Variants in ZNF609 observed in about 807,000 individuals in gnomAD.
ZNF609 encodes zinc finger protein 609.
In ZNF609, 11 loss-of-function variants were observed where a neutral mutation model predicts 109.5. That is an observed-to-expected ratio of 0.10 (90% CI 0.06 to 0.17). The LOEUF (loss-of-function observed/expected upper bound fraction) is 0.17, where lower values mean the gene tolerates loss of function less well. Among genes scored for constraint, ZNF609 ranks in the 10% least tolerant of loss-of-function variants. The pLI is 1.00. For synonymous variants in ZNF609, 646 were observed against 662.0 expected, an observed-to-expected ratio of 0.98 and a Z score of 0.37; for missense variants, 1,559 against 1,772.4, an observed-to-expected ratio of 0.88 and a Z score of 2.16.
intron 7 of ZNF609, 49 bp downstream of exon 7, chr15:64,680,409 C>T: frequency 6.3e-7 from 1 of 1,598,904 alleles, no homozygotes; most frequent in African/African-American, 1.3e-5. Flanking sequence ...CTAGTAAGGC[C>T]AGATCCAGGG....
intron 1 of ZNF609, among the ~76,000 whole-genome samples, chr15:64,483,741 T>C (rs2056933544): frequency 6.6e-6 from 1 of 152,102 alleles, no homozygotes; most frequent in Admixed American, 6.6e-5. Flanking sequence ...GTATTAATTA[T>C]CTGAGCTGGC....
At chr15:64,598,480 T>C (rs1895435515) in intron 2 of ZNF609, among the ~76,000 whole-genome samples, 1 of 152,034 alleles carries the variant, frequency 6.6e-6, no homozygotes, top group African/African-American at 2.4e-5. Flanking sequence ...TTTATTTTTA[T>C]TTATCTTTAA....
chr15:64,645,375 G>A (rs1396530372), intron 3 of ZNF609, among the ~76,000 whole-genome samples: 1 of 151,894 alleles, frequency 6.6e-6, no homozygotes, highest in African/African-American at 2.4e-5. Context: ...ACAGGCATGA[G>A]CCATTGCACT....
chr15:64,668,239 G>A (rs1275180658), intron 3 of ZNF609, among the ~76,000 whole-genome samples: 1 of 152,188 alleles, frequency 6.6e-6, no homozygotes, highest in Non-Finnish European at 1.5e-5. Flanking sequence ...TTCCACTTCA[G>A]AGAAGATGGA....
At chr15:64,494,770 C>G (rs1893459717) in intron 1 of ZNF609, among the ~76,000 whole-genome samples, 1 of 152,088 alleles carries the variant, frequency 6.6e-6, no homozygotes, top group South Asian at 2.1e-4. Context: ...GGTAATCCAC[C>G]CGTCTAGGCC....
intron 5 of ZNF609, 141 bp downstream of exon 5, chr15:64,676,397 T>G: frequency 1.5e-6 from 1 of 677,990 alleles, no homozygotes. Context: ...TTCTTTACCT[T>G]TGTAAACTAT....
intron 3 of ZNF609, among the ~76,000 whole-genome samples, chr15:64,629,502 T>C (rs761323736): frequency 2.8e-4 from 42 of 152,196 alleles, no homozygotes; most frequent in Non-Finnish European, 5.9e-4. Flanking sequence ...GTTACTTCTT[T>C]ATTGTAAAAT....
chr15:64,601,321 T>C (rs1213076872), intron 2 of ZNF609, among the ~76,000 whole-genome samples: 2 of 152,150 alleles, frequency 1.3e-5, no homozygotes, highest in Non-Finnish European at 2.9e-5. Context: ...ACGGGTCTCA[T>C]CTCTTCTATT....
intron 1 of ZNF609, among the ~76,000 whole-genome samples, chr15:64,496,276 C>T (rs893012057): frequency 2.6e-5 from 4 of 152,238 alleles, no homozygotes; most frequent in Non-Finnish European, 2.9e-5. Flanking sequence ...TCCAGAGTCT[C>T]TCTTCCGTTA....
At chr15:64,599,256 A>T (rs1895455329) in intron 2 of ZNF609, among the ~76,000 whole-genome samples, 1 of 137,902 alleles carries the variant, frequency 7.3e-6, no homozygotes, top group Non-Finnish European at 1.5e-5. Flanking sequence ...TAATTGCATT[A>T]ATCTCTGCAC....
intron 3 of ZNF609, among the ~76,000 whole-genome samples, chr15:64,628,022 C>T (rs555183001): frequency 1.3e-5 from 2 of 151,772 alleles, no homozygotes; most frequent in South Asian, 4.2e-4. Context: ...CCTGTAATCC[C>T]AGCACTTTGG....
At chr15:64,520,004 C>T (rs1893868480) in intron 2 of ZNF609, among the ~76,000 whole-genome samples, 1 of 152,186 alleles carries the variant, frequency 6.6e-6, no homozygotes, top group Admixed American at 6.5e-5. Context: ...TTTCCTTTCT[C>T]CTTGCAGCCT....
chr15:64,675,223 C>G lies in ZNF609; in HGVS notation c.2369C>G (p.Ala790Gly). Residue 790 changes from alanine (A) to glycine (G), a missense_variant, in exon 5 of 10, where the codon GCT (alanine) becomes GGT (glycine). Ala to Gly is a moderately conservative substitution (Grantham distance 60, BLOSUM62 0). Transcript: ENST00000326648. ...CAAAGCCGACTGGCTAGCATCAAGG[C>G]TGAAGCCGACAAGATCTACAGTTTC... ...PHQSRLASIK[A>G]EADKIYSFTD... is the part of the protein sequence containing the mutation. 6.2e-7 allele frequency: 1 copy of G among 1,614,010 alleles called. No individual in the cohort carries two copies. The highest frequency in any genetic ancestry group is 8.5e-7 in the Non-Finnish European group (1 of 1,180,046).
chr15:64,681,501 G>T, intron 9 of ZNF609, 114 bp downstream of exon 9: 1 of 872,550 alleles, frequency 1.1e-6, no homozygotes, highest in Non-Finnish European at 1.8e-6. Flanking sequence ...TGGAATCCAT[G>T]GAACCCTGGC....
intron 2 of ZNF609, among the ~76,000 whole-genome samples, chr15:64,616,593 C>T (rs1214726313): frequency 7.1e-6 from 1 of 140,934 alleles, no homozygotes; most frequent in Non-Finnish European, 1.5e-5. Context: ...GATCTCGGCT[C>T]ACTGCAAGCT....
intron 2 of ZNF609, among the ~76,000 whole-genome samples, chr15:64,567,346 G>C (rs1386999157): frequency 2.6e-5 from 4 of 151,870 alleles, no homozygotes; most frequent in African/African-American, 7.3e-5. Context: ...GCTGGACGTG[G>C]TGGTGCGCAC....
rs116461414 is a variant in ZNF609 at position 64,505,154 on chromosome 15, C to T, written c.747+4988C>T. Among the ~76,000 whole-genome samples the T allele has an allele frequency of 9.0e-3, 1,372 of 152,288 alleles. 22 individuals are homozygous for T. Among genetic ancestry groups the T allele is most frequent in the African/African-American group, 0.032 (1,316 of 41,556 alleles). On this transcript the variant is annotated intron_variant, in intron 2 of 9. Coordinates refer to ENST00000326648, the MANE Select transcript of ZNF609 (RefSeq NM_015042.2). ...TGATGTTTGCAAAGAATAACCATTA[C>T]AGCTGGCACTGAACCTATCCTGTTA...
chr15:64,651,985 A>T (rs6494485), intron 3 of ZNF609, among the ~76,000 whole-genome samples: 141,870 of 150,182 alleles, frequency 0.94, 67,195 homozygotes, highest in East Asian at 1. Context: ...TTCAGAAATT[A>T]AAAAAAAAAA....
chr15:64,592,897 A>AGC (rs1451030536), intron 2 of ZNF609: 1 of 705,658 alleles, frequency 1.4e-6, no homozygotes, highest in African/African-American at 1.8e-5. Context: ...TGGGCAACAG[A>AGC]GCAAGACTCT....
Sources: gnomAD v4.1 joint callset for allele counts (sites outside exome capture counted in the v4.1 genomes callset) on GRCh38, gnomAD v4.1.1 for gene constraint, MANE v1.5 for transcripts, NCBI Gene and HGNC (gene_info 2026-07-23, HGNC 2026-07-21) for gene names.